Variants in GKN2 observed in about 807,000 individuals in gnomAD.
GKN2 encodes gastrokine 2, also known as gastrokine-2.
Under a neutral mutation model 22.7 loss-of-function variants are expected in GKN2, and 17 were observed. That is an observed-to-expected ratio of 0.75 (90% CI 0.51 to 1.13). The LOEUF (loss-of-function observed/expected upper bound fraction) is 1.13. Among genes scored for constraint, GKN2 ranks in the 50% most tolerant of loss-of-function variants. The pLI is 0.00. For missense variants in GKN2, 248 were observed against 221.4 expected, an observed-to-expected ratio of 1.12 and a Z score of -0.76; for synonymous variants, 82 against 79.6, an observed-to-expected ratio of 1.03 and a Z score of -0.16.
chr2:68,946,524 C>G, intron 4 of GKN2, 64 bp from the exon 5 acceptor site: 2 of 1,342,930 alleles, frequency 1.5e-6, no homozygotes, highest in Non-Finnish European at 2.0e-6. Flanking sequence ...GTACCTTATT[C>G]TAAATTGTGA....
chr2:68,951,188 T>A (rs1669849632), intron 1 of GKN2, among the ~76,000 whole-genome samples: 1 of 152,086 alleles, frequency 6.6e-6, no homozygotes, highest in Non-Finnish European at 1.5e-5. Flanking sequence ...AAAACTTTAA[T>A]CCCTTAAGAC....
At position 68,951,881 on chromosome 2, in the gene GKN2, C is replaced by A. The variant is rs192042956; in HGVS notation, c.12+969G>T. 3.3e-5 allele frequency among the ~76,000 whole-genome samples: 5 copies of A among 152,356 alleles called. No homozygotes were observed. The East Asian group carries it at 9.6e-4, about 29-fold the overall frequency. ...CCCCAAAATGATCTCCCTTCCAACA[C>A]TGTGGTTAATACACCATGGTTATAT... On this transcript the variant is annotated intron_variant, in intron 1 of 5. Coordinates refer to ENST00000328895, the MANE Select transcript of GKN2 (RefSeq NM_182536.3).
At chr2:68,950,601 A>G (rs931815259) in intron 2 of GKN2, 101 bp downstream of exon 2, 4 of 1,003,916 alleles carry the variant, frequency 4.0e-6, no homozygotes, top group Non-Finnish European at 6.2e-6. Context: ...TTCCATCCCA[A>G]ATAAGGCATA....
chr2:68,951,627 TTAA>T (rs1308862831), intron 1 of GKN2, among the ~76,000 whole-genome samples: 1 of 152,194 alleles, frequency 6.6e-6, no homozygotes, highest in Non-Finnish European at 1.5e-5. Context: ...CATCCCACCC[TTAA>T]TATTTCTCTT....
chr2:68,951,939 T>C (rs1669861304), intron 1 of GKN2, among the ~76,000 whole-genome samples: 1 of 152,230 alleles, frequency 6.6e-6, no homozygotes, highest in South Asian at 2.1e-4. Flanking sequence ...AGGTCTCAAT[T>C]TGGAAAATCA....
chr2:68,950,961 A>G (rs1326813368), intron 1 of GKN2, among the ~76,000 whole-genome samples: 1 of 152,162 alleles, frequency 6.6e-6, no homozygotes, highest in Non-Finnish European at 1.5e-5. Flanking sequence ...TGTTGAGTTC[A>G]TTCTATTTGC....
chr2:68,947,173 G>T lies in GKN2; in HGVS notation c.289C>A (p.Leu97Ile), dbSNP rs748412323. Residue 97 changes from leucine (L) to isoleucine (I), a missense_variant, in exon 4 of 6, where the codon CTC (leucine) becomes ATC (isoleucine). Transcript: ENST00000328895. Reference sequence around the variant, plus strand: ...TGTTTCTCATAGATGTACCATTGGAGATTGTTCAGAGGAGGGATGTTCTGA... The same window carrying T: ...TGTTTCTCATAGATGTACCATTGGATATTGTTCAGAGGAGGGATGTTCTGA... The part of the protein sequence containing the change: ...DHQNIPPLNN[L>I]QWYIYEKQAL... 1.2e-6 allele frequency: 2 copies of T among 1,612,366 alleles called. No individual in the cohort carries two copies. Among genetic ancestry groups the T allele is most frequent in the Non-Finnish European group, 1.7e-6 (2 of 1,178,534 alleles).
chr2:68,946,167 A>G (rs990221322), intron 5 of GKN2, 137 bp downstream of exon 5: 6 of 648,614 alleles, frequency 9.3e-6, no homozygotes, highest in Non-Finnish European at 1.5e-5. Context: ...CACACATGGC[A>G]TGTAATTAAT....
At chr2:68,952,500 C>A (rs1461992168) in intron 1 of GKN2, among the ~76,000 whole-genome samples, 1 of 152,122 alleles carries the variant, frequency 6.6e-6, no homozygotes, top group African/African-American at 2.4e-5. Context: ...TATTTTTAAA[C>A]TACAGCTTCT....
chr2:68,946,218 G>T, intron 5 of GKN2, 86 bp downstream of exon 5: 1 of 1,143,928 alleles, frequency 8.7e-7, no homozygotes, highest in Non-Finnish European at 1.2e-6. Flanking sequence ...CCATTTATTT[G>T]CATTTCACTT....
At chr2:68,948,451 TAGAC>T (rs1331002857) in intron 3 of GKN2, among the ~76,000 whole-genome samples, 7 of 152,138 alleles carry the variant, frequency 4.6e-5, no homozygotes, top group African/African-American at 1.7e-4. Flanking sequence ...AAAGTTCTGT[TAGAC>T]AGTGCTGCTT....
In GKN2 at chr2:68,950,828, C is replaced by A. The variant is rs60384427; in HGVS notation, c.13-73G>T. 2,698 of 1,457,140 alleles carry A rather than the reference C, an allele frequency of 1.9e-3. 37 individuals carry two copies. In the African/African-American group the frequency reaches 0.032, roughly 17 times the overall value. 90.3% of individuals were successfully genotyped at this position (1,457,140 alleles called of 1,614,324 possible). A position where few individuals can be genotyped will look rare whatever the true frequency, so the allele number is the denominator to read the frequency against. On this transcript the variant is annotated intron_variant, in intron 1 of 5. Coordinates refer to ENST00000328895, the MANE Select transcript of GKN2 (RefSeq NM_182536.3). ...GTGTGGGACAGGAGGAAACACTGGACAGGAAAGGCACAGATATCTCAGAAA... is the reference window on the plus strand; with the variant it reads ...GTGTGGGACAGGAGGAAACACTGGAAAGGAAAGGCACAGATATCTCAGAAA...
intron 3 of GKN2, among the ~76,000 whole-genome samples, 185 bp downstream of exon 3, chr2:68,949,941 C>T (rs1669829879): frequency 6.6e-6 from 1 of 152,114 alleles, no homozygotes. Context: ...TGTTTTTCTT[C>T]AAAATGGTTT....
chr2:68,948,555 C>T (rs1669807079), intron 3 of GKN2, among the ~76,000 whole-genome samples: 1 of 152,192 alleles, frequency 6.6e-6, no homozygotes, highest in Admixed American at 6.5e-5. Flanking sequence ...TCTTTTCTTC[C>T]TCTCCAGTTT....
At chr2:68,949,993 G>A in intron 3 of GKN2, 133 bp downstream of exon 3, 2 of 672,824 alleles carry the variant, frequency 3.0e-6, no homozygotes, top group African/African-American at 3.8e-5. Context: ...AGAGAAAAGT[G>A]AAAGTGAGGA....
intron 3 of GKN2, among the ~76,000 whole-genome samples, chr2:68,948,703 GA>G (rs1427144593): frequency 6.6e-6 from 1 of 152,212 alleles, no homozygotes; most frequent in Middle Eastern, 3.2e-3. Flanking sequence ...CACCTGGAGT[GA>G]AAATTGTCTC....
intron 3 of GKN2, among the ~76,000 whole-genome samples, chr2:68,949,438 G>A (rs1205161727): frequency 4.6e-5 from 7 of 151,072 alleles, no homozygotes; most frequent in Non-Finnish European, 7.4e-5. Context: ...TTATTTTTTT[G>A]AGACAGGATC....
intron 1 of GKN2, among the ~76,000 whole-genome samples, chr2:68,951,284 G>A (rs903365138): frequency 1.3e-5 from 2 of 152,144 alleles, no homozygotes; most frequent in African/African-American, 4.8e-5. Flanking sequence ...TAGAATGCTT[G>A]GGAGCACAAT....
In GKN2 at chr2:68,945,361, A is replaced by T. The variant is rs1669749388; in HGVS notation, c.*7T>A. On this transcript the variant is annotated 3_prime_UTR_variant, in exon 6 of 6. Transcript: ENST00000328895. ...TTTGAAAAGATAAAACAAGAGGGCTAATCATCCTAAACATGAATGTCTGCA... is the reference window on the plus strand; with the variant it reads ...TTTGAAAAGATAAAACAAGAGGGCTTATCATCCTAAACATGAATGTCTGCA... 1.9e-6 allele frequency: 3 copies of T among 1,573,378 alleles called. No homozygotes were observed. The East Asian group carries it at 6.7e-5, about 35-fold the overall frequency.
Sources: allele counts gnomAD v4.1 joint callset (sites outside exome capture counted in the v4.1 genomes callset), GRCh38; gene constraint gnomAD v4.1.1; transcripts MANE v1.5; gene names NCBI Gene and HGNC (gene_info 2026-07-23, HGNC 2026-07-21).